Variants in DLG2 observed in about 807,000 individuals in gnomAD.
The protein encoded by DLG2 is disks large homolog 2.
A neutral mutation model predicts 132.5 loss-of-function variants in DLG2; 45 were observed. That is an observed-to-expected ratio of 0.34 (90% CI 0.27 to 0.44). The LOEUF is 0.44. Ranked by LOEUF, DLG2 falls within the 20% of genes least tolerant of loss-of-function variation. The pLI is 1.00. For missense variants in DLG2, 1,045 were observed against 1,196.9 expected (o/e 0.87, Z 1.87); for synonymous variants, 424 against 419.6 (o/e 1.01, Z -0.13).
intron 3 of DLG2, among the ~76,000 whole-genome samples, chr11:85,536,958 G>A (rs1445100113): frequency 6.6e-6 from 1 of 152,186 alleles, no homozygotes. Context: ...TGGGACAGGT[G>A]GGGACTTGGA....
intron 7 of DLG2, among the ~76,000 whole-genome samples, chr11:84,290,431 C>T (rs2097975192): frequency 6.6e-6 from 1 of 152,014 alleles, no homozygotes; most frequent in South Asian, 2.1e-4. Flanking sequence ...CCTTTATTTG[C>T]TCTAATGAGA....
At chr11:84,317,127 T>C in intron 7 of DLG2, 1 of 1,612,414 alleles carries the variant, frequency 6.2e-7, no homozygotes, top group Middle Eastern at 1.7e-4. Context: ...CTGTGTTGCT[T>C]GGTGAGGTAT....
chr11:83,654,535 A>C (rs1003306761), intron 18 of DLG2, among the ~76,000 whole-genome samples: 1 of 152,156 alleles, frequency 6.6e-6, no homozygotes, highest in African/African-American at 2.4e-5. Context: ...CTCAGGTCCA[A>C]AAGAAGCCAC....
intron 7 of DLG2, among the ~76,000 whole-genome samples, chr11:84,275,107 CATT>C (rs1394987083): frequency 6.6e-6 from 1 of 152,224 alleles, no homozygotes; most frequent in Admixed American, 6.5e-5. Context: ...AAATGCTTAT[CATT>C]ATTCCAGACC....
intron 7 of DLG2, chr11:84,273,043 A>G: frequency 1.0e-6 from 1 of 980,144 alleles, no homozygotes; most frequent in Non-Finnish European, 1.4e-6. Flanking sequence ...GAAAATAACT[A>G]TGATCATCAA....
chr11:83,919,726 A>G (rs1477266539), intron 15 of DLG2, among the ~76,000 whole-genome samples: 2 of 152,202 alleles, frequency 1.3e-5, no homozygotes, highest in Non-Finnish European at 2.9e-5. Context: ...TCTGGAAAAT[A>G]TAGAGGTTGG....
At chr11:85,458,258 T>C (rs965139947) in intron 3 of DLG2, among the ~76,000 whole-genome samples, 2 of 152,252 alleles carry the variant, frequency 1.3e-5, no homozygotes, top group Non-Finnish European at 2.9e-5. Context: ...TATAAAATTC[T>C]TGCAGTATGT....
chr11:85,176,603 A>T (rs2079265140), intron 4 of DLG2, among the ~76,000 whole-genome samples: 1 of 152,220 alleles, frequency 6.6e-6, no homozygotes, highest in African/African-American at 2.4e-5. Context: ...AAAAGCAAAA[A>T]TTGACAAATG....
chr11:84,063,936 G>C (rs1210363463), intron 10 of DLG2, among the ~76,000 whole-genome samples: 4 of 150,916 alleles, frequency 2.7e-5, no homozygotes, highest in African/African-American at 9.8e-5. Flanking sequence ...ACACAGGAAG[G>C]GGAACATCAT....
At chr11:84,256,810 G>A (rs1297623424) in intron 7 of DLG2, among the ~76,000 whole-genome samples, 1 of 152,144 alleles carries the variant, frequency 6.6e-6, no homozygotes, top group Admixed American at 6.5e-5. Context: ...CTGTATGTGG[G>A]TGTATGTGTG....
At chr11:83,866,644 A>G (rs887562344) in intron 16 of DLG2, among the ~76,000 whole-genome samples, 14 of 152,198 alleles carry the variant, frequency 9.2e-5, no homozygotes, top group African/African-American at 3.4e-4. Context: ...CATTGAGACC[A>G]TTTTTAAACC....
chr11:85,400,848 A>G (rs2088006427), intron 3 of DLG2, among the ~76,000 whole-genome samples: 1 of 151,536 alleles, frequency 6.6e-6, no homozygotes, highest in South Asian at 2.1e-4. Context: ...CGAGTTAATG[A>G]GTGCAGCACA....
chr11:84,965,096 C>T (rs2053139352), intron 6 of DLG2, among the ~76,000 whole-genome samples: 1 of 152,038 alleles, frequency 6.6e-6, no homozygotes, highest in South Asian at 2.1e-4. Context: ...CATAAGATAT[C>T]TAAATGTTTC....
intron 8 of DLG2, among the ~76,000 whole-genome samples, chr11:84,174,085 A>C (rs2095887984): frequency 7.3e-6 from 1 of 136,062 alleles, no homozygotes; most frequent in Non-Finnish European, 1.5e-5. Context: ...TCTAAAACAG[A>C]ACAGATGCTC....
At chr11:85,008,481 A>AGG (rs1254292974) in intron 6 of DLG2, among the ~76,000 whole-genome samples, 1 of 152,084 alleles carries the variant, frequency 6.6e-6, no homozygotes, top group Non-Finnish European at 1.5e-5. Context: ...GGAGAAGTGA[A>AGG]GGGGGAAAAA....
intron 18 of DLG2, among the ~76,000 whole-genome samples, chr11:83,652,339 C>G (rs974303323): frequency 1.3e-5 from 2 of 152,054 alleles, no homozygotes; most frequent in Non-Finnish European, 2.9e-5. Context: ...GATGAATAGT[C>G]CTCACGTGTA....
At chr11:83,545,716 G>T (rs1198755982) in intron 19 of DLG2, among the ~76,000 whole-genome samples, 1 of 152,098 alleles carries the variant, frequency 6.6e-6, no homozygotes, top group Admixed American at 6.6e-5. Context: ...TTAGCTGCAG[G>T]TGTCCTTCCT....
intron 7 of DLG2, among the ~76,000 whole-genome samples, chr11:84,412,758 C>T (rs1208759711): frequency 6.6e-6 from 1 of 152,162 alleles, no homozygotes; most frequent in Non-Finnish European, 1.5e-5. Flanking sequence ...AAGTTTTCCT[C>T]ATTCTGCTAC....
intron 19 of DLG2, among the ~76,000 whole-genome samples, chr11:83,593,429 G>A (rs1247609284): frequency 6.6e-6 from 1 of 151,796 alleles, no homozygotes. Flanking sequence ...TCACTCACAG[G>A]TGGGAATTGA....
Sources: allele counts gnomAD v4.1 joint callset (sites outside exome capture counted in the v4.1 genomes callset), GRCh38; gene constraint gnomAD v4.1.1; transcripts MANE v1.5; gene names NCBI Gene and HGNC (gene_info 2026-07-23, HGNC 2026-07-21).